The following DTD1 variants were observed in gnomAD, a reference collection of about 807,000 sequenced individuals.
The protein encoded by DTD1 is D-tyrosyl-tRNA deacylase 1 homolog.
In DTD1, 13 loss-of-function variants were observed where a neutral mutation model predicts 25.6. That is an observed-to-expected ratio of 0.51 (90% CI 0.33 to 0.81). The LOEUF is 0.81. Among genes scored for constraint, DTD1 ranks in the 30% least tolerant of loss-of-function variants. The probability of loss-of-function intolerance (pLI) is 0.02; values close to 1 mark genes in which losing one functional copy is unlikely to be tolerated. For synonymous variants in DTD1, 110 were observed against 103.6 expected (o/e 1.06, Z -0.37); for missense variants, 193 against 266.4 (o/e 0.72, Z 1.92).
chr20:18,655,894 C>T (rs747587653), intron 4 of DTD1, among the ~76,000 whole-genome samples: 4 of 152,068 alleles, frequency 2.6e-5, no homozygotes, highest in South Asian at 2.1e-4. Flanking sequence ...CTCAGCCTCC[C>T]GAGTAGCTGG....
At chr20:18,679,155 A>G (rs950860950) in intron 4 of DTD1, among the ~76,000 whole-genome samples, 1 of 152,204 alleles carries the variant, frequency 6.6e-6, no homozygotes, top group African/African-American at 2.4e-5. Flanking sequence ...TTGAGTTGTG[A>G]AAGTGTTTCT....
At chr20:18,731,720 T>C (rs1025131292) in intron 4 of DTD1, among the ~76,000 whole-genome samples, 2 of 152,230 alleles carry the variant, frequency 1.3e-5, no homozygotes, top group African/African-American at 4.8e-5. Flanking sequence ...ATCATTGTTA[T>C]GTCATTATTT....
intron 4 of DTD1, among the ~76,000 whole-genome samples, chr20:18,714,261 A>C (rs1343577634): frequency 6.6e-6 from 1 of 152,200 alleles, no homozygotes; most frequent in Non-Finnish European, 1.5e-5. Context: ...TGGACCAAAT[A>C]ACCTTTTTTG....
At chr20:18,591,604 T>A (rs2060589870) in intron 1 of DTD1, among the ~76,000 whole-genome samples, 1 of 152,206 alleles carries the variant, frequency 6.6e-6, no homozygotes, top group Admixed American at 6.5e-5. Flanking sequence ...ATTAAAATAT[T>A]AAAGTACTTA....
chr20:18,593,603 G>A (rs6136423), intron 1 of DTD1, 128 bp from the exon 2 acceptor site: 94,256 of 664,860 alleles, frequency 0.14, 7,222 homozygotes, highest in Admixed American at 0.2. Flanking sequence ...TTTCGAATAC[G>A]TACTGACTTT....
chr20:18,637,541 G>GA (rs1477960309), intron 4 of DTD1, among the ~76,000 whole-genome samples: 5 of 152,182 alleles, frequency 3.3e-5, no homozygotes, highest in African/African-American at 1.2e-4. Context: ...ACTTGTAGTT[G>GA]AAAGTAATTT....
In DTD1 at chr20:18,588,643, G is replaced by A. The variant is rs550765384; in HGVS notation, c.43+528G>A. ...GCTGAGCTTTGACAGTTGCGTGCAC[G>A]TACGTGACTGGAGCCTAGGCTGGAT... On this transcript the variant is annotated intron_variant, in intron 1 of 5. Transcript: ENST00000377452. 22 of 714,384 alleles carry A rather than the reference G, an allele frequency of 3.1e-5. No homozygotes were observed. In the South Asian group the frequency reaches 8.8e-4, roughly 29 times the overall value. 44.3% of individuals were successfully genotyped at this position (714,384 alleles called of 1,614,324 possible). A position where few individuals can be genotyped will look rare whatever the true frequency, so the allele number is the denominator to read the frequency against.
chr20:18,729,229 C>T (rs1332524569), intron 4 of DTD1, among the ~76,000 whole-genome samples: 2 of 152,204 alleles, frequency 1.3e-5, no homozygotes. Flanking sequence ...TCTTGAACTC[C>T]TGGGCTCAAG....
chr20:18,646,535 G>A (rs571748724), intron 4 of DTD1, among the ~76,000 whole-genome samples: 1 of 152,342 alleles, frequency 6.6e-6, no homozygotes, highest in Non-Finnish European at 1.5e-5. Context: ...AGGTCTGGGA[G>A]TTGGGTGCCT....
chr20:18,758,159 T>C (rs2061346959), intron 5 of DTD1, among the ~76,000 whole-genome samples: 1 of 152,208 alleles, frequency 6.6e-6, no homozygotes, highest in South Asian at 2.1e-4. Flanking sequence ...GATTCTTCTC[T>C]TTTTTCTTCT....
intron 4 of DTD1, among the ~76,000 whole-genome samples, chr20:18,638,242 C>G (rs1413961407): frequency 6.6e-6 from 1 of 152,004 alleles, no homozygotes; most frequent in African/African-American, 2.4e-5. Context: ...TGTCCACTAC[C>G]TACTCATCCA....
chr20:18,698,685 T>G (rs912504982), intron 4 of DTD1: 1 of 152,294 alleles, frequency 6.6e-6, no homozygotes, highest in African/African-American at 2.4e-5. Context: ...CATTCCCTCC[T>G]CCCGCTCCCT....
intron 4 of DTD1, among the ~76,000 whole-genome samples, chr20:18,635,980 A>T (rs1340464153): frequency 6.6e-6 from 1 of 152,166 alleles, no homozygotes; most frequent in African/African-American, 2.4e-5. Flanking sequence ...GACACATAAG[A>T]CATTTCTAAT....
chr20:18,751,616 C>T (rs923618203), intron 5 of DTD1, among the ~76,000 whole-genome samples: 5 of 152,020 alleles, frequency 3.3e-5, no homozygotes, highest in Non-Finnish European at 5.9e-5. Flanking sequence ...CCTCAGCCTC[C>T]CTAGTAGCTG....
rs570175939 is a variant in DTD1 at position 18,676,505 on chromosome 20, C to T, written c.477+48272C>T. On this transcript the variant is annotated intron_variant, in intron 4 of 5. Transcript: ENST00000377452. ...ACTGCCAGGCAACTCAAGTGGAAACCCAAGCAGCCTCCCCTGTGAGAAGCT... is the reference window on the plus strand; with the variant it reads ...ACTGCCAGGCAACTCAAGTGGAAACTCAAGCAGCCTCCCCTGTGAGAAGCT... 4.6e-5 allele frequency among the ~76,000 whole-genome samples: 7 copies of T among 152,198 alleles called. No individual in the cohort carries two copies. In the East Asian group the frequency reaches 1.2e-3, roughly 25 times the overall value.
At chr20:18,750,513 A>G (rs1321136105) in intron 5 of DTD1, among the ~76,000 whole-genome samples, 1 of 152,234 alleles carries the variant, frequency 6.6e-6, no homozygotes, top group African/African-American at 2.4e-5. Flanking sequence ...AGAAAATTGA[A>G]TGAGAAACTG....
intron 4 of DTD1, chr20:18,631,746 G>C: frequency 1.0e-6 from 1 of 984,906 alleles, no homozygotes; most frequent in Non-Finnish European, 1.2e-6. Flanking sequence ...TACTCCCTCT[G>C]GTTTTATTTG....
intron 4 of DTD1, chr20:18,631,161 C>A (rs1203615025): frequency 1.0e-6 from 1 of 985,380 alleles, no homozygotes; most frequent in African/African-American, 1.7e-5. Flanking sequence ...CCCCTTCTGC[C>A]ACCGTGGTAG....
At chr20:18,598,329 T>G (rs1025825029) in intron 3 of DTD1, among the ~76,000 whole-genome samples, 8 of 152,172 alleles carry the variant, frequency 5.3e-5, no homozygotes, top group Non-Finnish European at 1.0e-4. Context: ...TATGGCTCAT[T>G]GTATTCCATG....
Sources: allele counts gnomAD v4.1 joint callset (sites outside exome capture counted in the v4.1 genomes callset), GRCh38; gene constraint gnomAD v4.1.1; transcripts MANE v1.5; gene names NCBI Gene and HGNC (gene_info 2026-07-23, HGNC 2026-07-21).